The following ACTR3 variants were observed in gnomAD, a reference collection of about 807,000 sequenced individuals.
ACTR3 encodes actin related protein 3, also known as actin-related protein 3.
Under a neutral mutation model 56.8 loss-of-function variants are expected in ACTR3, and 12 were observed. That is an observed-to-expected ratio of 0.21 (90% confidence interval 0.14 to 0.34). The LOEUF is 0.34. Ranked by LOEUF, ACTR3 falls within the 10% of genes least tolerant of loss-of-function variation. The pLI, the probability that ACTR3 is intolerant of heterozygous loss-of-function variation, is 1.00. For missense variants in ACTR3, 282 were observed against 512.5 expected, an observed-to-expected ratio of 0.55 and a Z score of 4.34; for synonymous variants, 162 against 167.4, an observed-to-expected ratio of 0.97 and a Z score of 0.25.
intron 1 of ACTR3, among the ~76,000 whole-genome samples, chr2:113,911,853 C>G (rs1364573912): frequency 2.0e-5 from 3 of 152,022 alleles, no homozygotes; most frequent in Admixed American, 6.6e-5. Context: ...TCTCTTGCCT[C>G]AGCCTCCCAA....
rs1041012694 is a variant in ACTR3, at chr2:113,959,135, G to A, written c.*1680G>A. 2 of 151,966 alleles carry A rather than the reference G, an allele frequency of 1.3e-5. No homozygotes were observed. Among genetic ancestry groups the A allele is most frequent in the Non-Finnish European group, 2.9e-5 (2 of 67,890 alleles). 9.4% of individuals were successfully genotyped at this position (151,966 alleles called of 1,614,324 possible). A position where few individuals can be genotyped will look rare whatever the true frequency, so the allele number is the denominator to read the frequency against. ...AGTACCAAAGAGTAGATTAGCAAAA[G>A]TAAGTTTTTTTCCCTAGCCTGTCTC... On this transcript the variant is annotated 3_prime_UTR_variant, in exon 12 of 12. Transcript: ENST00000263238.
intron 10 of ACTR3, 47 bp downstream of exon 10, chr2:113,951,892 G>C: frequency 1.2e-6 from 2 of 1,602,072 alleles, no homozygotes; most frequent in Non-Finnish European, 1.7e-6. Context: ...TGCCTTCCTT[G>C]ATTAGGATGA....
chr2:113,954,741 A>G (rs1473935675), intron 10 of ACTR3: 1 of 151,916 alleles, frequency 6.6e-6, no homozygotes, highest in Non-Finnish European at 1.5e-5. Flanking sequence ...TGGCCCTGGA[A>G]TCAGCCCTTT....
intron 7 of ACTR3, among the ~76,000 whole-genome samples, chr2:113,940,761 GTTTT>G (rs925677722): frequency 1.5e-5 from 2 of 137,046 alleles, no homozygotes; most frequent in Admixed American, 1.5e-4. Flanking sequence ...TGTTTCCATG[GTTTT>G]TTTTTTTTTA....
chr2:113,923,627 G>A (rs974232875), intron 3 of ACTR3, among the ~76,000 whole-genome samples: 8 of 152,152 alleles, frequency 5.3e-5, no homozygotes, highest in Middle Eastern at 6.8e-3. Flanking sequence ...GAGCCACTGT[G>A]CCCGGCCTGT....
chr2:113,937,269 A>G (rs1332460574), intron 6 of ACTR3, among the ~76,000 whole-genome samples: 1 of 151,922 alleles, frequency 6.6e-6, no homozygotes, highest in Non-Finnish European at 1.5e-5. Flanking sequence ...ACACCCAGCT[A>G]ATTTTTTTGT....
chr2:113,909,214 C>T (rs1017161204), intron 1 of ACTR3, among the ~76,000 whole-genome samples: 1 of 152,048 alleles, frequency 6.6e-6, no homozygotes, highest in Non-Finnish European at 1.5e-5. Context: ...CAATTGGATA[C>T]TGTATGCATT....
chr2:113,960,827 T>G lies in ACTR3; in HGVS notation c.*3372T>G, dbSNP rs1029873034. 6.6e-6 allele frequency: 1 copy of G among 152,026 alleles called. No individual in the cohort carries two copies. Among genetic ancestry groups the G allele is most frequent in the Non-Finnish European group, 1.5e-5 (1 of 67,932 alleles). The allele number at this position is 152,026 out of a possible 1,614,324, so 9.4% of individuals were successfully genotyped here. On this transcript the variant is annotated 3_prime_UTR_variant, in exon 12 of 12. Transcript: ENST00000263238. ...TTGGTACTAATTCTATTAGCTGGTA[T>G]AAATAATCCAAAATCTGTGCAGACT...
intron 10 of ACTR3, chr2:113,952,068 G>T: frequency 1.9e-6 from 1 of 523,242 alleles, no homozygotes; most frequent in Non-Finnish European, 3.1e-6. Flanking sequence ...AGTAATACCT[G>T]TGGAAAGACT....
At chr2:113,943,916 G>C (rs140483418) in intron 8 of ACTR3, among the ~76,000 whole-genome samples, 2 of 152,342 alleles carry the variant, frequency 1.3e-5, no homozygotes, top group African/African-American at 4.8e-5. Context: ...GAAAGGTGAA[G>C]AATAGGGCCT....
chr2:113,948,415 G>T lies in ACTR3; in HGVS notation c.859-3064G>T, dbSNP rs968507617. 3.9e-5 allele frequency among the ~76,000 whole-genome samples: 6 copies of T among 152,258 alleles called. No homozygotes were observed. The South Asian group carries it at 6.2e-4, about 16-fold the overall frequency. On this transcript the variant is annotated intron_variant, in intron 8 of 11. Coordinates refer to ENST00000263238, the MANE Select transcript of ACTR3 (RefSeq NM_005721.5). ...TTCACCCATCTTGCCCTCCCAAAGC[G>T]CTGGGATTATAGGAATGAGCCACTG...
At chr2:113,895,742 T>C (rs1678994903) in intron 1 of ACTR3, among the ~76,000 whole-genome samples, 1 of 152,230 alleles carries the variant, frequency 6.6e-6, no homozygotes, top group Admixed American at 6.5e-5. Flanking sequence ...GGCTTTGTAG[T>C]TATCTGTTGT....
intron 1 of ACTR3, among the ~76,000 whole-genome samples, chr2:113,908,498 C>G (rs941339567): frequency 6.6e-6 from 1 of 151,178 alleles, no homozygotes; most frequent in Admixed American, 6.6e-5. Context: ...TAATTTTTTT[C>G]TTTTTCTAAT....
chr2:113,932,575 G>C (rs763188251), intron 5 of ACTR3, among the ~76,000 whole-genome samples: 12 of 151,994 alleles, frequency 7.9e-5, no homozygotes, highest in Non-Finnish European at 1.8e-4. Context: ...GTTCTGTTTT[G>C]TTGATGTTCA....
chr2:113,951,899 A>G (rs13418557), intron 10 of ACTR3, 54 bp downstream of exon 10: 1 of 1,597,078 alleles, frequency 6.3e-7, no homozygotes, highest in Non-Finnish European at 8.6e-7. Context: ...CTTGATTAGG[A>G]TGAGAAATAT....
chr2:113,904,554 A>C (rs189127702), intron 1 of ACTR3: 1 of 152,296 alleles, frequency 6.6e-6, no homozygotes. Context: ...TCTGTTGTGA[A>C]CATACATGTA....
At chr2:113,937,446 T>C (rs1206116462) in intron 6 of ACTR3, among the ~76,000 whole-genome samples, 1 of 152,206 alleles carries the variant, frequency 6.6e-6, no homozygotes, top group East Asian at 1.9e-4. Context: ...TATCTAGTGC[T>C]CTCTATTCCT....
intron 2 of ACTR3, among the ~76,000 whole-genome samples, chr2:113,916,467 A>G (rs1467995346): frequency 6.6e-6 from 1 of 152,186 alleles, no homozygotes; most frequent in Non-Finnish European, 1.5e-5. Flanking sequence ...GTGATAGGGT[A>G]GAGATGTAAA....
At position 113,942,308 on chromosome 2, in the gene ACTR3, C is replaced by G; in HGVS notation, c.807C>G (p.Ile269Met). 1 of 1,598,896 alleles carries G rather than the reference C, an allele frequency of 6.3e-7. No individual in the cohort carries two copies. The highest frequency in any genetic ancestry group is 1.3e-5 in the African/African-American group (1 of 74,168). ...CTATCTCAAAGAAAGAGTTTTCTAT[C>G]GATGTTGGTTATGAGAGATTTTTGG... ...INAISKKEFS[I>M]DVGYERFLGP... Residue 269 changes from isoleucine to methionine, a missense_variant, in exon 8 of 12, where the codon ATC becomes ATG. By Grantham distance (10) the Ile-to-Met change is conservative. Coordinates refer to ENST00000263238, the MANE Select transcript of ACTR3 (RefSeq NM_005721.5).
Sources: gnomAD v4.1 joint callset for allele counts (sites outside exome capture counted in the v4.1 genomes callset) on GRCh38, gnomAD v4.1.1 for gene constraint, MANE v1.5 for transcripts, NCBI Gene and HGNC (gene_info 2026-07-23, HGNC 2026-07-21) for gene names.